Variants in NCOR2 observed in about 807,000 individuals in gnomAD.
The protein encoded by NCOR2 is nuclear receptor corepressor 2.
NCOR2 carries 81 observed loss-of-function variants against 262.9 expected under a neutral mutation model. The observed-to-expected ratio is 0.31, with a 90% confidence interval of 0.26 to 0.37. The LOEUF is 0.37. Among genes scored for constraint, NCOR2 ranks in the 10% least tolerant of loss-of-function variants. The pLI, the probability that NCOR2 is intolerant of heterozygous loss-of-function variation, is 1.00. For missense variants in NCOR2, 3,385 were observed against 3,621.4 expected (o/e 0.93, Z 1.68); for synonymous variants, 1,659 against 1,559.3 (o/e 1.06, Z -1.51).
chr12:124,325,965 C>A (rs2034599857), intron 46 of NCOR2, among the ~76,000 whole-genome samples: 2 of 152,176 alleles, frequency 1.3e-5, no homozygotes, highest in African/African-American at 4.8e-5. Context: ...TGTGATCTGG[C>A]CGGCCCCAAC....
At chr12:124,500,364 A>G (rs1220504402) in intron 1 of NCOR2, among the ~76,000 whole-genome samples, 1 of 152,148 alleles carries the variant, frequency 6.6e-6, no homozygotes, top group Non-Finnish European at 1.5e-5. Flanking sequence ...CAAACACACA[A>G]GTGCCCCCCG....
chr12:124,546,188 G>A (rs999257797), intron 1 of NCOR2, among the ~76,000 whole-genome samples: 2 of 152,198 alleles, frequency 1.3e-5, no homozygotes, highest in African/African-American at 4.8e-5. Context: ...GAGCCTGCCT[G>A]TTTCCTCGCC....
chr12:124,354,330 C>T, intron 26 of NCOR2, 134 bp from the exon 29 acceptor site: 2 of 1,147,858 alleles, frequency 1.7e-6, no homozygotes, highest in Admixed American at 2.1e-5. Flanking sequence ...AGTCCCCCTA[C>T]CCCTAAATGG....
At chr12:124,364,416 C>T (rs2038856276) in intron 20 of NCOR2, among the ~76,000 whole-genome samples, 1 of 152,242 alleles carries the variant, frequency 6.6e-6, no homozygotes, top group South Asian at 2.1e-4. Context: ...CTCCCACACA[C>T]TATCCACGAA....
At chr12:124,410,423 C>A (rs1353908016) in intron 13 of NCOR2, among the ~76,000 whole-genome samples, 2 of 151,820 alleles carry the variant, frequency 1.3e-5, no homozygotes, top group African/African-American at 4.8e-5. Context: ...CAACTGTCTC[C>A]CCACCTAGCA....
intron 7 of NCOR2, among the ~76,000 whole-genome samples, chr12:124,439,629 C>T (rs761273829): frequency 2.6e-5 from 4 of 151,692 alleles, no homozygotes; most frequent in South Asian, 2.1e-4. Flanking sequence ...GACACAGAGA[C>T]GGAGATAGAT....
intron 1 of NCOR2, among the ~76,000 whole-genome samples, chr12:124,522,257 G>A (rs968464118): frequency 6.6e-6 from 1 of 152,226 alleles, no homozygotes; most frequent in Admixed American, 6.5e-5. Flanking sequence ...AAATACATGA[G>A]TGATTAAAAT....
upstream of NCOR2, chr12:124,495,514 A>C: frequency 1.9e-6 from 1 of 519,206 alleles, no homozygotes; most frequent in Non-Finnish European, 3.3e-6. The surrounding 1 kb of genome is among the most constrained non-coding windows in gnomAD (Gnocchi z 4.4). Context: ...CCACTGCCAC[A>C]CTCACCTGTT....
chr12:124,354,451 G>A lies in NCOR2; in HGVS notation c.3589+27C>T, dbSNP rs747415634. The A allele has an allele frequency of 6.8e-6, 10 of 1,473,850 alleles. No individual in the cohort carries two copies. The South Asian group carries it at 1.1e-4, about 16-fold the overall frequency. 91.3% of individuals were successfully genotyped at this position (1,473,850 alleles called of 1,614,324 possible). On this transcript the variant is annotated intron_variant, in intron 26 of 46. Transcript: ENST00000405201. ...CACCCGAGGAACAGGGGCAGATGCT[G>A]GGGGCCCAGGGCAGAAGGGCCCTCA...
intron 20 of NCOR2, among the ~76,000 whole-genome samples, chr12:124,365,227 C>A (rs1031455935): frequency 6.6e-6 from 1 of 152,218 alleles, no homozygotes; most frequent in Admixed American, 6.5e-5. Flanking sequence ...GAGGGCAAAA[C>A]TTCTGGGTGC....
At chr12:124,426,698 C>T (rs2043572545) in exon 11 of NCOR2, 5 of 1,611,706 alleles carry the variant, frequency 3.1e-6, no homozygotes, top group Admixed American at 1.7e-5. Flanking sequence ...TTCATGGGGT[C>T]GGCCATAAGC....
At chr12:124,492,023 G>A (rs2048109166) in intron 1 of NCOR2, among the ~76,000 whole-genome samples, 1 of 152,208 alleles carries the variant, frequency 6.6e-6, no homozygotes, top group South Asian at 2.1e-4. Flanking sequence ...GCCTCTGTCT[G>A]CAAGCACCCA....
chr12:124,543,750 G>A (rs1457766865), intron 1 of NCOR2, among the ~76,000 whole-genome samples: 2 of 152,196 alleles, frequency 1.3e-5, no homozygotes, highest in Non-Finnish European at 2.9e-5. Flanking sequence ...GGCCAAGCAC[G>A]GGCCACGACA....
intron 10 of NCOR2, among the ~76,000 whole-genome samples, chr12:124,427,382 C>T (rs923561887): frequency 1.2e-4 from 19 of 152,178 alleles, no homozygotes; most frequent in Non-Finnish European, 2.9e-5. Context: ...GTCAGGCGGC[C>T]GCTCCTAATG....
At chr12:124,386,880 G>A (rs2040845826) in intron 16 of NCOR2, among the ~76,000 whole-genome samples, 1 of 152,364 alleles carries the variant, frequency 6.6e-6, no homozygotes, top group Admixed American at 6.5e-5. Context: ...GTGACCTTGT[G>A]TGGCCCAGCC....
At chr12:124,505,783 G>A (rs917440514) in intron 1 of NCOR2, among the ~76,000 whole-genome samples, 22 of 152,184 alleles carry the variant, frequency 1.4e-4, no homozygotes, top group Admixed American at 1.4e-3. Flanking sequence ...GAAGGAGGGA[G>A]GTGATGGCGA....
intron 1 of NCOR2, among the ~76,000 whole-genome samples, chr12:124,533,708 T>C (rs1273806116): frequency 6.6e-6 from 1 of 152,188 alleles, no homozygotes; most frequent in Non-Finnish European, 1.5e-5. Context: ...AGTCATGTAC[T>C]GCTTAACCAC....
At chr12:124,372,728 G>A (rs4765147) in intron 19 of NCOR2, 118 bp from the exon 22 acceptor site, 429,479 of 889,964 alleles carry the variant, frequency 0.48, 109,323 homozygotes, top group Admixed American at 0.56. Flanking sequence ...AAACAGCCCC[G>A]AGGCTCCTAC....
Position 124,517,314 on chromosome 12 carries a change from G to T in NCOR2, c.-118+18251C>A, listed in dbSNP as rs549629003. The stretch of plus-strand genomic sequence containing the variant: ...GGAGCCATTCCCGCCACCTCCCTAT[G>T]GCCGCGGCGCACCCAGACCTCAGGA... On this transcript the variant is annotated intron_variant, in intron 1 of 46. Coordinates refer to the NCOR2 transcript ENST00000404621. This position sits in a 1 kb window ranked among gnomAD's most constrained non-coding sequence, Gnocchi z 7.6. 6.6e-5 allele frequency among the ~76,000 whole-genome samples: 10 copies of T among 152,242 alleles called. No homozygotes were observed. The highest frequency in any genetic ancestry group is 2.4e-4 in the African/African-American group (10 of 41,538).
Sources: gnomAD v4.1 joint callset for allele counts (sites outside exome capture counted in the v4.1 genomes callset) on GRCh38, gnomAD v4.1.1 for gene constraint, Gnocchi (gnomAD v3.1) non-coding constraint, MANE v1.5 for transcripts, NCBI Gene and HGNC (gene_info 2026-07-23, HGNC 2026-07-21) for gene names.